PELP1: variants seen among roughly 807,000 people sequenced by gnomAD.
PELP1 encodes the protein proline, glutamate and leucine rich protein 1.
A neutral mutation model predicts 95.5 loss-of-function variants in PELP1; 32 were observed. The ratio of observed to expected loss-of-function variants is 0.34; its 90% confidence interval spans 0.25 to 0.45. The LOEUF (loss-of-function observed/expected upper bound fraction) is 0.45. Ranked by LOEUF, PELP1 falls within the 20% of genes least tolerant of loss-of-function variation. The probability of loss-of-function intolerance (pLI) is 1.00; values close to 1 mark genes in which losing one functional copy is unlikely to be tolerated. For synonymous variants in PELP1, 668 were observed against 600.1 expected (o/e 1.11, Z -1.65); for missense variants, 1,358 against 1,444.8 (o/e 0.94, Z 0.97).
Position 4,675,185 on chromosome 17 carries a change from G to A in PELP1, c.1168C>T (p.Arg390Trp), listed in dbSNP as rs762432194. Residue 390 changes from arginine to tryptophan, a missense_variant, in exon 11 of 17, where the codon CGG becomes TGG. Arg to Trp is a moderately radical substitution (Grantham distance 101). This residue lies in a region of PELP1 where 538 missense variants were observed against 628.1 expected (regional missense o/e 0.86). Coordinates refer to ENST00000572293, the MANE Select transcript of PELP1 (RefSeq NM_014389.3). The surrounding 1 kb of genome is among the most constrained non-coding windows in gnomAD (Gnocchi z 4.3). ...ATCAGGATCCCAAAGCGCAAGAGCC[G>A]GCTTCCACACCTGGGGCAGAGAAGG... ...LSALILACGS[R>W]LLRFGILIGR... The A allele has an allele frequency of 9.9e-6, 16 of 1,613,414 alleles. No individual in the cohort carries two copies. Among genetic ancestry groups the A allele is most frequent in the East Asian group, 4.5e-5 (2 of 44,872 alleles).
At chr17:4,688,464 G>A (rs921363442) in intron 3 of PELP1, among the ~76,000 whole-genome samples, 4 of 152,006 alleles carry the variant, frequency 2.6e-5, no homozygotes, top group African/African-American at 9.7e-5. Context: ...CATCCAGAAA[G>A]CTCCTAGATC....
chr17:4,679,167 A>G (rs1912606626), intron 5 of PELP1, among the ~76,000 whole-genome samples: 1 of 152,034 alleles, frequency 6.6e-6, no homozygotes, highest in African/African-American at 2.4e-5. Context: ...CTGGAACCAC[A>G]GGCACACACC....
Position 4,675,904 on chromosome 17 carries a change from G to C in PELP1, c.981-20C>G. The C allele has an allele frequency of 3.2e-6, 5 of 1,585,794 alleles. No homozygotes were observed. Among genetic ancestry groups the C allele is most frequent in the Admixed American group, 1.8e-5 (1 of 55,308 alleles). On this transcript the variant is annotated intron_variant, in intron 8 of 16. Transcript: ENST00000572293. The surrounding 1 kb of genome is among the most constrained non-coding windows in gnomAD (Gnocchi z 4.3). Reference sequence around the variant, plus strand: ...TCAGAGCTAAAGAGAATCAGAGCAGGGAGACCTTCAGAGCAGGCTCCCTGG... The same window carrying C: ...TCAGAGCTAAAGAGAATCAGAGCAGCGAGACCTTCAGAGCAGGCTCCCTGG...
At chr17:4,692,454 G>A (rs4790220) in intron 1 of PELP1, among the ~76,000 whole-genome samples, 148,050 of 151,404 alleles carry the variant, frequency 0.98, 72,465 homozygotes, top group Middle Eastern at 1. Flanking sequence ...GCAACAGAGC[G>A]AGACTCTGTC....
intron 1 of PELP1, among the ~76,000 whole-genome samples, chr17:4,696,214 C>T (rs555606823): frequency 7.9e-5 from 12 of 152,168 alleles, no homozygotes; most frequent in Admixed American, 7.9e-4. Context: ...CACCTGTGGT[C>T]ACAGCTACTT....
intron 1 of PELP1, 73 bp downstream of exon 1, chr17:4,703,790 C>T: frequency 7.3e-7 from 1 of 1,360,878 alleles, no homozygotes; most frequent in Non-Finnish European, 1.0e-6. Context: ...ACTTGCACTG[C>T]ACCGTAATCC....
intron 1 of PELP1, among the ~76,000 whole-genome samples, chr17:4,699,788 T>C (rs966042447): frequency 6.6e-6 from 1 of 152,028 alleles, no homozygotes; most frequent in Non-Finnish European, 1.5e-5. Context: ...GGTTTCGCCA[T>C]GTTGGTCAGG....
rs200159543 is a variant in PELP1, at chr17:4,703,943, G to A, written c.169C>T (p.His57Tyr). The change falls in exon 1 of 17, where the codon CAT becomes TAT. Residue 57 changes from histidine to tyrosine, a missense_variant. By Grantham distance (83) the His-to-Tyr change is moderately conservative. This residue lies in a region of PELP1 where 169 missense variants were observed against 134.9 expected (regional missense o/e 1.25). Coordinates refer to ENST00000572293, the MANE Select transcript of PELP1 (RefSeq NM_014389.3). Reference protein sequence around the residue: ...PRTGSAVAPVHPPNRSAPHLP... With the variant: ...PRTGSAVAPVYPPNRSAPHLP... ...TGTGGGGCCGAGCGGTTTGGGGGAT[G>A]CACCGGAGCAACGGCAGACCCCGTT... 1 of 1,613,636 alleles carries A rather than the reference G, an allele frequency of 6.2e-7. No homozygotes were observed. Among genetic ancestry groups the A allele is most frequent in the Non-Finnish European group, 8.5e-7 (1 of 1,179,750 alleles).
chr17:4,675,217 G>A lies in PELP1; in HGVS notation c.1158-22C>T, dbSNP rs1181198290. 1 of 1,609,804 alleles carries A rather than the reference G, an allele frequency of 6.2e-7. No individual in the cohort carries two copies. The highest frequency in any genetic ancestry group is 1.1e-5 in the South Asian group (1 of 90,262). On this transcript the variant is annotated intron_variant, in intron 10 of 16. Transcript: ENST00000572293. This position sits in a 1 kb window ranked among gnomAD's most constrained non-coding sequence, Gnocchi z 4.3. The stretch of plus-strand genomic sequence containing the variant: ...ACACCTGGGGCAGAGAAGGAATGGT[G>A]ACCCTCGTTTCTGGCACGCCCTATC...
chr17:4,703,942 T>C lies in PELP1; in HGVS notation c.170A>G (p.His57Arg), dbSNP rs995625298. Residue 57 changes from histidine (H) to arginine (R), a missense_variant, in exon 1 of 17, where the codon CAT becomes CGT. This residue lies in a region of PELP1 where 169 missense variants were observed against 134.9 expected (regional missense o/e 1.25). Coordinates refer to ENST00000572293, the MANE Select transcript of PELP1 (RefSeq NM_014389.3). The part of the protein sequence containing the change: ...PRTGSAVAPV[H>R]PPNRSAPHLP... ...ATGTGGGGCCGAGCGGTTTGGGGGA[T>C]GCACCGGAGCAACGGCAGACCCCGT... 8.1e-6 allele frequency: 13 copies of C among 1,613,518 alleles called. No individual in the cohort carries two copies. The highest frequency in any genetic ancestry group is 3.3e-5 in the Admixed American group (2 of 60,016).
At chr17:4,702,811 T>G (rs1432145183) in intron 1 of PELP1, among the ~76,000 whole-genome samples, 1 of 152,082 alleles carries the variant, frequency 6.6e-6, no homozygotes. Flanking sequence ...GGAGGTTTAG[T>G]GGGAGAGAAG....
At chr17:4,683,526 C>CT in intron 3 of PELP1, among the ~76,000 whole-genome samples, 1 of 88,624 alleles carries the variant, frequency 1.1e-5, no homozygotes, top group Admixed American at 1.4e-4. Flanking sequence ...GCTGAGTTTT[C>CT]TTTTCTTTTT....
At chr17:4,701,536 T>A (rs1039469716) in intron 1 of PELP1, among the ~76,000 whole-genome samples, 5 of 152,212 alleles carry the variant, frequency 3.3e-5, no homozygotes, top group Non-Finnish European at 7.3e-5. Context: ...ATTGTTGCTA[T>A]AATATACTCC....
chr17:4,690,214 A>G (rs1913048018), intron 3 of PELP1, among the ~76,000 whole-genome samples: 1 of 152,156 alleles, frequency 6.6e-6, no homozygotes. Context: ...TACAACTGGG[A>G]GTTAAGCTAT....
intron 1 of PELP1, chr17:4,691,651 T>G: frequency 1.7e-6 from 1 of 571,878 alleles, no homozygotes. Context: ...CAAGTTATAT[T>G]TTGCCTGATC....
intron 3 of PELP1, among the ~76,000 whole-genome samples, chr17:4,690,086 A>C (rs950098801): frequency 1.9e-4 from 29 of 152,130 alleles, no homozygotes; most frequent in African/African-American, 7.0e-4. Context: ...ATGGAATACT[A>C]CTCAGCCATA....
intron 7 of PELP1, 24 bp downstream of exon 7, chr17:4,676,333 C>CT (rs1567661960): frequency 1.9e-6 from 3 of 1,609,724 alleles, no homozygotes; most frequent in Non-Finnish European, 2.5e-6. Flanking sequence ...TATTGTTCCA[C>CT]TAACTAGCAG....
In PELP1 at chr17:4,672,951, T is replaced by C; in HGVS notation, c.2040A>G (p.Ala680=). The change falls in exon 16 of 17, where the codon GCA becomes GCG. Residue 680 remains alanine (A), a synonymous_variant. Coordinates refer to ENST00000572293, the MANE Select transcript of PELP1 (RefSeq NM_014389.3). The part of the protein sequence containing the change: ...PMPSVGSMPS[A]GPMPSAGPMP... ...TGGGGCCTGCTGAAGGCATGGGGCC[T>C]GCTGAGGGCATGGAGCCCACTGAGG... is the stretch of plus-strand genomic sequence containing the variant. 3.1e-6 allele frequency: 5 copies of C among 1,603,710 alleles called. No individual in the cohort carries two copies. The highest frequency in any genetic ancestry group is 2.2e-5 in the South Asian group (2 of 89,754).
At chr17:4,694,546 G>C (rs2150564521) in intron 1 of PELP1, among the ~76,000 whole-genome samples, 1 of 146,324 alleles carries the variant, frequency 6.8e-6, no homozygotes, top group East Asian at 2.0e-4. Flanking sequence ...TGTAATCCCA[G>C]CTACTCCAAA....
Sources: gnomAD v4.1 joint callset for allele counts (sites outside exome capture counted in the v4.1 genomes callset) on GRCh38, gnomAD v4.1.1 for gene constraint, gnomAD v4.1.1 regional missense constraint, Gnocchi (gnomAD v3.1) non-coding constraint, MANE v1.5 for transcripts, NCBI Gene and HGNC (gene_info 2026-07-23, HGNC 2026-07-21) for gene names.